TRERF1: variants seen among roughly 807,000 people sequenced by gnomAD.
TRERF1 encodes transcriptional-regulating factor 1.
A neutral mutation model predicts 122.9 loss-of-function variants in TRERF1; 27 were observed. The ratio of observed to expected loss-of-function variants is 0.22; its 90% CI spans 0.16 to 0.30. The LOEUF is 0.30. Ranked by LOEUF, TRERF1 falls within the 10% of genes least tolerant of loss-of-function variation. The pLI, the probability that TRERF1 is intolerant of heterozygous loss-of-function variation, is 1.00. For missense variants in TRERF1, 1,248 were observed against 1,560.3 expected (o/e 0.80, Z 3.37); for synonymous variants, 636 against 641.7 (o/e 0.99, Z 0.13).
intron 4 of TRERF1, among the ~76,000 whole-genome samples, chr6:42,287,198 C>G (rs1390720441): frequency 6.9e-6 from 1 of 144,704 alleles, no homozygotes; most frequent in Non-Finnish European, 1.5e-5. Context: ...TGCTAGATGA[C>G]GAGTTAGTGG....
chr6:42,229,067 A>C (rs1247012514), intron 17 of TRERF1, among the ~76,000 whole-genome samples: 1 of 152,206 alleles, frequency 6.6e-6, no homozygotes, highest in African/African-American at 2.4e-5. Context: ...ATCATGAAAC[A>C]ACCCACCATC....
intron 15 of TRERF1, among the ~76,000 whole-genome samples, chr6:42,239,612 C>T (rs1272684226): frequency 6.6e-6 from 1 of 152,174 alleles, no homozygotes; most frequent in East Asian, 1.9e-4. Flanking sequence ...CCCGCCCTTA[C>T]GTAAAACATT....
At position 42,290,741 on chromosome 6, in the gene TRERF1, CTT is replaced by C. The variant is rs144168592; in HGVS notation, c.-259+9895_-259+9896del. 8.9e-3 allele frequency among the ~76,000 whole-genome samples: 818 copies of C among 92,296 alleles called. 2 individuals are homozygous for C. Among genetic ancestry groups the C allele is most frequent in the South Asian group, 0.022 (61 of 2,714 alleles). 60.5% of individuals were successfully genotyped at this position (92,296 alleles called of 152,430 possible). A position where few individuals can be genotyped will look rare whatever the true frequency, so the allele number is the denominator to read the frequency against. ...ATTTATCCTTTTTTCCATTTCTTTC[CTT>C]TTTTTTTTTTTTTTTTTTTTTGAAC... On this transcript the variant is annotated intron_variant, in intron 4 of 17. Transcript: ENST00000372922.
At chr6:42,357,174 C>G (rs761617386) in intron 3 of TRERF1, among the ~76,000 whole-genome samples, 4 of 151,492 alleles carry the variant, frequency 2.6e-5, no homozygotes, top group Admixed American at 6.6e-5. Context: ...ACTAAAAATA[C>G]AAAAATTAGC....
intron 3 of TRERF1, among the ~76,000 whole-genome samples, chr6:42,320,864 T>C (rs376966166): frequency 3.9e-5 from 6 of 152,222 alleles, no homozygotes; most frequent in Admixed American, 2.6e-4. Context: ...AGGTGAGGGC[T>C]ACCCAGGACA....
intron 3 of TRERF1, among the ~76,000 whole-genome samples, chr6:42,301,000 CAG>C (rs34724916): frequency 2.6e-4 from 39 of 149,464 alleles, no homozygotes; most frequent in East Asian, 5.8e-4. Flanking sequence ...ACTTAGGAAA[CAG>C]AGAGAGAGAG....
chr6:42,327,075 C>G (rs1764413645), intron 3 of TRERF1, among the ~76,000 whole-genome samples: 1 of 152,248 alleles, frequency 6.6e-6, no homozygotes, highest in African/African-American at 2.4e-5. Flanking sequence ...TATACAATGC[C>G]CACAAGTAAG....
chr6:42,265,809 CCAAA>C lies in TRERF1; in HGVS notation c.1438-16_1438-13del, dbSNP rs755461959. Reference sequence around the variant, plus strand: ...TCAGGTAGGTGCATCTAATTTTGAGCCAAACAGGACACCGAAAAAAAGAAGAGAA... The same window carrying C: ...TCAGGTAGGTGCATCTAATTTTGAGCCAGGACACCGAAAAAAAGAAGAGAA... On this transcript the variant is annotated splice_polypyrimidine_tract_variant and intron_variant, in intron 5 of 17. Coordinates refer to ENST00000372922, the Ensembl canonical transcript of TRERF1. 45 of 1,612,560 alleles carry C rather than the reference CCAAA, an allele frequency of 2.8e-5. No individual in the cohort carries two copies. In the African/African-American group the frequency reaches 5.7e-4, roughly 21 times the overall value.
chr6:42,235,756 T>G (rs1308291679), intron 16 of TRERF1, among the ~76,000 whole-genome samples: 1 of 152,206 alleles, frequency 6.6e-6, no homozygotes, highest in Non-Finnish European at 1.5e-5. Context: ...ATGCAAAACC[T>G]TCTAAATAGG....
chr6:42,295,429 G>A lies in TRERF1; in HGVS notation c.-259+5209C>T, dbSNP rs550411654. On this transcript the variant is annotated intron_variant, in intron 4 of 17. Coordinates refer to ENST00000372922, the Ensembl canonical transcript of TRERF1. ...ATCTGGTGTCAAATGTTAGCCGCAGGACTTCTGAGGGCTTTTGATAATGGG... is the reference window on the plus strand; with the variant it reads ...ATCTGGTGTCAAATGTTAGCCGCAGAACTTCTGAGGGCTTTTGATAATGGG... Among the ~76,000 whole-genome samples, 9 of 152,320 alleles carry A rather than the reference G, an allele frequency of 5.9e-5. No homozygotes were observed. The East Asian group carries it at 1.5e-3, about 26-fold the overall frequency.
Position 42,375,594 on chromosome 6 carries a change from G to A in TRERF1, c.-453-12515C>T, listed in dbSNP as rs181868509. On this transcript the variant is annotated intron_variant, in intron 2 of 17. Coordinates refer to ENST00000372922, the Ensembl canonical transcript of TRERF1. ...CCATGCCAGGCACTAAAGTTCCAAAGGCGATTAAGACAAAAGTCTCAGGGT... is the reference window on the plus strand; with the variant it reads ...CCATGCCAGGCACTAAAGTTCCAAAAGCGATTAAGACAAAAGTCTCAGGGT... 5.3e-5 allele frequency among the ~76,000 whole-genome samples: 8 copies of A among 152,300 alleles called. 1 individual carries two copies. Among genetic ancestry groups the A allele is most frequent in the Admixed American group, 4.6e-4 (7 of 15,292 alleles).
intron 3 of TRERF1, among the ~76,000 whole-genome samples, chr6:42,312,312 G>C (rs974297289): frequency 6.6e-6 from 1 of 152,222 alleles, no homozygotes; most frequent in African/African-American, 2.4e-5. Flanking sequence ...TTCTGCTCCA[G>C]GCTGGCTCTC....
In TRERF1 at chr6:42,228,298, A is replaced by G. The variant is rs747930651; in HGVS notation, c.*47T>C. 2 of 1,505,846 alleles carry G rather than the reference A, an allele frequency of 1.3e-6. No homozygotes were observed. Among genetic ancestry groups the G allele is most frequent in the Non-Finnish European group, 1.8e-6 (2 of 1,121,088 alleles). 93.3% of individuals were successfully genotyped at this position (1,505,846 alleles called of 1,614,324 possible). On this transcript the variant is annotated 3_prime_UTR_variant, in exon 18 of 18. Coordinates refer to ENST00000372922, the Ensembl canonical transcript of TRERF1. The surrounding 1 kb of genome is among the most constrained non-coding windows in gnomAD (Gnocchi z 4.2). ...GCAGTCCAGGTTTCCTGATTAATGA[A>G]GATGGAGGCCGTGGGTTTTCACTGT...
At chr6:42,248,510 A>C (rs779467406) in intron 13 of TRERF1, among the ~76,000 whole-genome samples, 1 of 151,986 alleles carries the variant, frequency 6.6e-6, no homozygotes, top group Non-Finnish European at 1.5e-5. Flanking sequence ...GTGCCACCAC[A>C]CCTGGCTAAT....
chr6:42,290,270 C>T (rs1784080265), intron 4 of TRERF1, among the ~76,000 whole-genome samples: 1 of 152,162 alleles, frequency 6.6e-6, no homozygotes, highest in South Asian at 2.1e-4. Context: ...ATACCTGGCA[C>T]CCACTGGGTG....
chr6:42,281,196 T>C (rs1782242837), intron 4 of TRERF1, among the ~76,000 whole-genome samples: 1 of 152,146 alleles, frequency 6.6e-6, no homozygotes, highest in South Asian at 2.1e-4. Context: ...ACAGTCCCAA[T>C]TTCTTGCCAA....
chr6:42,334,021 ACACACG>A lies in TRERF1; in HGVS notation c.-371+28970_-371+28975del, dbSNP rs892567300. Among the ~76,000 whole-genome samples the A allele has an allele frequency of 8.6e-4, 125 of 145,310 alleles. 1 individual carries two copies. Among genetic ancestry groups the A allele is most frequent in the African/African-American group, 3.4e-3 (123 of 36,354 alleles). Reference sequence around the variant, plus strand: ...ACTACACACACACACACACACACACACACACGTATGTACACATATATGTATATGTAT... The same window carrying A: ...ACTACACACACACACACACACACACATATGTACACATATATGTATATGTAT... On this transcript the variant is annotated intron_variant, in intron 3 of 17. Transcript: ENST00000372922.
intron 2 of TRERF1, among the ~76,000 whole-genome samples, chr6:42,427,326 T>C (rs1051420955): frequency 1.3e-5 from 2 of 152,128 alleles, no homozygotes; most frequent in African/African-American, 4.8e-5. Context: ...GATGCAATCA[T>C]AGCTCACTGC....
intron 3 of TRERF1, among the ~76,000 whole-genome samples, chr6:42,362,260 T>C (rs1771907228): frequency 6.6e-6 from 1 of 151,602 alleles, no homozygotes; most frequent in African/African-American, 2.4e-5. Context: ...ACCGAAGCAA[T>C]CAATTCTGAG....
Sources: gnomAD v4.1 joint callset for allele counts (sites outside exome capture counted in the v4.1 genomes callset) on GRCh38, gnomAD v4.1.1 for gene constraint, Gnocchi (gnomAD v3.1) non-coding constraint, MANE v1.5 for transcripts, NCBI Gene and HGNC (gene_info 2026-07-23, HGNC 2026-07-21) for gene names.